Variants in HIVEP1 observed in about 807,000 individuals in gnomAD.
HIVEP1 encodes the protein HIVEP zinc finger 1, also known as zinc finger protein 40.
HIVEP1 carries 36 observed loss-of-function variants against 180.0 expected under a neutral mutation model. The observed-to-expected ratio is 0.20, with a 90% confidence interval of 0.15 to 0.26. The LOEUF (loss-of-function observed/expected upper bound fraction) is 0.26. Ranked by LOEUF, HIVEP1 falls within the 10% of genes least tolerant of loss-of-function variation. HIVEP1 has a pLI of 1.00. For missense variants in HIVEP1, 3,143 were observed against 3,268.7 expected, an observed-to-expected ratio of 0.96 and a Z score of 0.94; for synonymous variants, 1,239 against 1,239.0, an observed-to-expected ratio of 1.00 and a Z score of 0.00.
At chr6:12,134,615 C>A (rs1340089499) in intron 6 of HIVEP1, among the ~76,000 whole-genome samples, 1 of 152,216 alleles carries the variant, frequency 6.6e-6, no homozygotes, top group East Asian at 1.9e-4. Flanking sequence ...CCACTAAATT[C>A]AACATTTAGA....
At chr6:12,134,653 C>T (rs542062610) in intron 6 of HIVEP1, among the ~76,000 whole-genome samples, 3 of 151,896 alleles carry the variant, frequency 2.0e-5, no homozygotes, top group Admixed American at 2.0e-4. Context: ...AAAAAGATGA[C>T]TTGCCCTTGT....
chr6:12,183,020 A>G, the HIVEP1 span, among the ~76,000 whole-genome samples: 2 of 152,232 alleles, frequency 1.3e-5, no homozygotes, highest in Non-Finnish European at 2.9e-5. Flanking sequence ...ACCAAACTGC[A>G]GTATAACATT....
intron 2 of HIVEP1, among the ~76,000 whole-genome samples, chr6:12,086,316 A>G (rs1438825647): frequency 6.6e-6 from 1 of 152,114 alleles, no homozygotes; most frequent in African/African-American, 2.4e-5. Context: ...TACAGTAAGA[A>G]CTCATTATAG....
chr6:12,112,359 T>G (rs1182760523), intron 3 of HIVEP1, among the ~76,000 whole-genome samples: 1 of 152,202 alleles, frequency 6.6e-6, no homozygotes, highest in Non-Finnish European at 1.5e-5. Flanking sequence ...ATATATTGTC[T>G]AAATTCTTTT....
intron 2 of HIVEP1, chr6:12,038,077 T>G (rs1769413752): frequency 3.7e-6 from 1 of 267,184 alleles, no homozygotes. Flanking sequence ...GAACCTGATG[T>G]ATCTGTTAGA....
chr6:12,041,419 C>CT (rs1769705706), intron 2 of HIVEP1, among the ~76,000 whole-genome samples: 1 of 39,226 alleles, frequency 2.5e-5, no homozygotes, highest in Non-Finnish European at 5.1e-5. Context: ...GAGACTCCGT[C>CT]TAAAAAAAAA....
downstream of HIVEP1, among the ~76,000 whole-genome samples, chr6:12,167,581 C>CCT (rs55679474): frequency 3.1e-5 from 2 of 64,916 alleles, 1 homozygote; most frequent in African/African-American, 2.0e-4. Flanking sequence ...GTTATATATA[C>CCT]GTTATATTAC....
the HIVEP1 span, among the ~76,000 whole-genome samples, chr6:12,186,480 A>G: frequency 6.6e-6 from 1 of 151,500 alleles, no homozygotes; most frequent in Middle Eastern, 3.4e-3. Context: ...GATGATGGAA[A>G]TGTTCTTACA....
chr6:12,057,579 A>G lies in HIVEP1; in HGVS notation c.41-31605A>G, dbSNP rs75508877. 1.4e-3 allele frequency among the ~76,000 whole-genome samples: 219 copies of G among 152,292 alleles called. 7 individuals are homozygous for G. In the East Asian group the frequency reaches 0.038, roughly 26 times the overall value. ...CCATTGTTCTGTTTTCTGTTTATCA[A>G]AGACTCTCAGAGATGATGACTGTGT... On this transcript the variant is annotated intron_variant, in intron 2 of 8. Transcript: ENST00000379388.
intron 2 of HIVEP1, among the ~76,000 whole-genome samples, chr6:12,066,747 G>A (rs1771615304): frequency 6.6e-6 from 1 of 151,934 alleles, no homozygotes; most frequent in African/African-American, 2.4e-5. Flanking sequence ...ATGTATGATG[G>A]GCCCAATATT....
chr6:12,196,139 T>C, the HIVEP1 span, among the ~76,000 whole-genome samples: 1 of 152,260 alleles, frequency 6.6e-6, no homozygotes. Context: ...CTTGACCTTT[T>C]TGTATTGAAA....
the HIVEP1 span, among the ~76,000 whole-genome samples, chr6:12,180,704 A>T: frequency 2.6e-5 from 4 of 152,232 alleles, no homozygotes; most frequent in Non-Finnish European, 5.9e-5. Context: ...TTAAGTGTGT[A>T]TGAGAAGAAG....
chr6:12,163,765 A>G lies in HIVEP1; in HGVS notation c.7461A>G (p.Ser2487=). ...LQNLSTPGLQ[S]LPSLSMETVN... ...ACCTAAGTACCCCAGGCTTGCAGTC[A>G]CTCCCCTCGTTAAGCATGGAAACCG... Residue 2487 remains serine, a synonymous_variant, in exon 9 of 9, where the codon TCA becomes TCG. Coordinates refer to ENST00000379388, the MANE Select transcript of HIVEP1 (RefSeq NM_002114.4). 2 of 1,613,770 alleles carry G rather than the reference A, an allele frequency of 1.2e-6. No individual in the cohort carries two copies. The highest frequency in any genetic ancestry group is 2.2e-5 in the South Asian group (2 of 91,050).
chr6:12,187,351 T>A, the HIVEP1 span, among the ~76,000 whole-genome samples: 1 of 152,088 alleles, frequency 6.6e-6, no homozygotes, highest in South Asian at 2.1e-4. Flanking sequence ...ATGAATGGAT[T>A]AATGCCCTCC....
At chr6:12,080,010 T>G (rs1772675241) in intron 2 of HIVEP1, among the ~76,000 whole-genome samples, 1 of 152,048 alleles carries the variant, frequency 6.6e-6, no homozygotes. Context: ...TTTGAATGAG[T>G]TATAGTGTCT....
At chr6:12,014,380 T>G (rs1348220810) in intron 1 of HIVEP1, among the ~76,000 whole-genome samples, 1 of 152,230 alleles carries the variant, frequency 6.6e-6, no homozygotes, top group Non-Finnish European at 1.5e-5. Context: ...TCCAATTTTT[T>G]TTTAATCTGT....
intron 2 of HIVEP1, among the ~76,000 whole-genome samples, chr6:12,051,001 C>CACATATATATATATAT (rs1770478667): frequency 1.3e-5 from 1 of 77,600 alleles, no homozygotes; most frequent in African/African-American, 4.3e-5. Flanking sequence ...TACACAAGTG[C>CACATATATATATATAT]ATATATATAT....
chr6:12,119,741 G>A (rs950825459), intron 3 of HIVEP1, 149 bp from the exon 4 acceptor site: 1 of 563,618 alleles, frequency 1.8e-6, no homozygotes, highest in Non-Finnish European at 3.0e-6. Context: ...GAATGCAGAA[G>A]TGCAATTTTA....
intron 2 of HIVEP1, among the ~76,000 whole-genome samples, chr6:12,024,720 T>C (rs1768464127): frequency 6.6e-6 from 1 of 152,186 alleles, no homozygotes; most frequent in Non-Finnish European, 1.5e-5. Context: ...TATTTGATAG[T>C]TTAAAGATAA....
Sources: gnomAD v4.1 joint callset for allele counts (sites outside exome capture counted in the v4.1 genomes callset) on GRCh38, gnomAD v4.1.1 for gene constraint, MANE v1.5 for transcripts, NCBI Gene and HGNC (gene_info 2026-07-23, HGNC 2026-07-21) for gene names.